WWOX: variants seen among roughly 807,000 people sequenced by gnomAD.
WWOX encodes WW domain-containing oxidoreductase.
In WWOX, 69 loss-of-function variants were observed where a neutral mutation model predicts 46.2. The ratio of observed to expected loss-of-function variants is 1.49; its 90% CI spans 1.23 to 1.82. The LOEUF is 1.82. Ranked by LOEUF, WWOX falls within the 40% of genes most tolerant of loss-of-function variation. The pLI is 0.00. For synonymous variants in WWOX, 359 were observed against 202.6 expected (o/e 1.77, Z -6.56); for missense variants, 919 against 542.6 (o/e 1.69, Z -6.89).
At chr16:78,400,096 G>T (rs890502718) in intron 6 of WWOX, among the ~76,000 whole-genome samples, 1 of 151,956 alleles carries the variant, frequency 6.6e-6, no homozygotes, top group South Asian at 2.1e-4. Context: ...AACATAAACG[G>T]GACCTCTCAA....
chr16:78,838,578 A>C (rs2052053396), intron 8 of WWOX, among the ~76,000 whole-genome samples: 1 of 152,156 alleles, frequency 6.6e-6, no homozygotes, highest in Non-Finnish European at 1.5e-5. Context: ...ACGGTGGCTC[A>C]CTCCTGTAAT....
At chr16:78,757,165 A>C (rs897485834) in intron 8 of WWOX, 2 of 613,934 alleles carry the variant, frequency 3.3e-6, no homozygotes, top group Non-Finnish European at 5.8e-6. Flanking sequence ...CACCACAGAA[A>C]TTCTTGTGCG....
intron 8 of WWOX, among the ~76,000 whole-genome samples, chr16:79,054,942 G>C (rs2048235053): frequency 6.6e-6 from 1 of 152,224 alleles, no homozygotes; most frequent in Admixed American, 6.5e-5. Context: ...AATACCAAGT[G>C]AGATTTTCTG....
chr16:78,904,921 A>T (rs6564621), intron 8 of WWOX, among the ~76,000 whole-genome samples: 80,687 of 152,014 alleles, frequency 0.53, 22,780 homozygotes, highest in African/African-American at 0.74. Context: ...TCCTTTTCCC[A>T]GTTGGTGCCC....
intron 8 of WWOX, among the ~76,000 whole-genome samples, chr16:78,995,627 C>T (rs554933818): frequency 1.3e-5 from 2 of 152,030 alleles, no homozygotes; most frequent in Non-Finnish European, 2.9e-5. Context: ...CGCAAACTGG[C>T]TTGTTCTTAT....
intron 6 of WWOX, among the ~76,000 whole-genome samples, chr16:78,414,552 G>A (rs973868823): frequency 6.6e-6 from 1 of 152,188 alleles, no homozygotes; most frequent in Non-Finnish European, 1.5e-5. Flanking sequence ...GCAATGCAGA[G>A]TGAAACTGTC....
At chr16:78,645,995 T>C (rs1019819640) in intron 8 of WWOX, among the ~76,000 whole-genome samples, 2 of 152,138 alleles carry the variant, frequency 1.3e-5, no homozygotes, top group Admixed American at 6.5e-5. Context: ...CTCCCCCTCC[T>C]CTCCCCCTTT....
chr16:78,458,009 G>C (rs1037548446), intron 8 of WWOX, among the ~76,000 whole-genome samples: 1 of 151,522 alleles, frequency 6.6e-6, no homozygotes, highest in African/African-American at 2.4e-5. Context: ...CCTGGGAGGC[G>C]GAGGTTGCAG....
intron 8 of WWOX, among the ~76,000 whole-genome samples, chr16:79,093,265 G>A (rs148214365): frequency 7.9e-4 from 121 of 152,268 alleles, no homozygotes; most frequent in African/African-American, 2.8e-3. Context: ...GGAGGCGAAA[G>A]ATACACAGAA....
intron 5 of WWOX, among the ~76,000 whole-genome samples, chr16:78,182,668 T>G (rs1480230993): frequency 3.3e-5 from 5 of 152,018 alleles, no homozygotes; most frequent in Admixed American, 6.6e-5. Context: ...AAGCAAAGGT[T>G]CTCACTGGGT....
chr16:78,883,855 A>C (rs1017714093), intron 8 of WWOX, among the ~76,000 whole-genome samples: 11 of 152,318 alleles, frequency 7.2e-5, no homozygotes, highest in African/African-American at 2.4e-4. Flanking sequence ...CTGTAATACT[A>C]ATATTCTAAA....
At chr16:79,012,277 G>A (rs948248778) in intron 8 of WWOX, among the ~76,000 whole-genome samples, 1 of 151,984 alleles carries the variant, frequency 6.6e-6, no homozygotes, top group Non-Finnish European at 1.5e-5. Flanking sequence ...CTGTCACCTA[G>A]GCTAGAGTGC....
intron 8 of WWOX, among the ~76,000 whole-genome samples, chr16:78,571,751 C>G (rs892968512): frequency 3.9e-5 from 6 of 152,196 alleles, no homozygotes; most frequent in African/African-American, 7.2e-5. Context: ...GACTGCAATC[C>G]CAGCTACTCG....
At chr16:78,815,889 T>C (rs1008397701) in intron 8 of WWOX, among the ~76,000 whole-genome samples, 1 of 152,124 alleles carries the variant, frequency 6.6e-6, no homozygotes, top group Non-Finnish European at 1.5e-5. Flanking sequence ...ACTTCCAAGA[T>C]ATATACAGGG....
At chr16:78,668,916 G>A (rs553407918) in intron 8 of WWOX, among the ~76,000 whole-genome samples, 4 of 152,110 alleles carry the variant, frequency 2.6e-5, no homozygotes, top group Non-Finnish European at 4.4e-5. Flanking sequence ...TAGGGTATGC[G>A]AACCTCTTCA....
At chr16:79,041,790 C>T (rs986508418) in intron 8 of WWOX, among the ~76,000 whole-genome samples, 1 of 152,178 alleles carries the variant, frequency 6.6e-6, no homozygotes, top group African/African-American at 2.4e-5. Context: ...ATTCCATACG[C>T]TTTTGCTTTA....
At chr16:79,174,696 G>A (rs949356123) in intron 8 of WWOX, among the ~76,000 whole-genome samples, 7 of 152,114 alleles carry the variant, frequency 4.6e-5, no homozygotes, top group Non-Finnish European at 7.3e-5. Flanking sequence ...TTCTATGTCC[G>A]CCCTAAGCAC....
chr16:79,005,549 C>G (rs1430656734), intron 8 of WWOX, among the ~76,000 whole-genome samples: 1 of 152,190 alleles, frequency 6.6e-6, no homozygotes, highest in African/African-American at 2.4e-5. Flanking sequence ...CTCTTCCCGG[C>G]CTGTAGGTAT....
intron 8 of WWOX, among the ~76,000 whole-genome samples, chr16:78,693,409 C>T (rs1303212265): frequency 6.6e-6 from 1 of 152,174 alleles, no homozygotes; most frequent in East Asian, 1.9e-4. Flanking sequence ...AAATATGCTG[C>T]CTGCTCTGTC....
Sources: allele counts gnomAD v4.1 joint callset (sites outside exome capture counted in the v4.1 genomes callset), GRCh38; gene constraint gnomAD v4.1.1; transcripts MANE v1.5; gene names NCBI Gene and HGNC (gene_info 2026-07-23, HGNC 2026-07-21).